GALNTL6: variants seen among roughly 807,000 people sequenced by gnomAD.
GALNTL6 encodes the protein polypeptide N-acetylgalactosaminyltransferase like 6.
In GALNTL6, 46 loss-of-function variants were observed where a neutral mutation model predicts 73.7. The ratio of observed to expected loss-of-function variants is 0.62; its 90% CI spans 0.49 to 0.80. GALNTL6 has a LOEUF of 0.80. Among genes scored for constraint, GALNTL6 ranks in the 30% least tolerant of loss-of-function variants. GALNTL6 has a pLI of 0.00. For synonymous variants in GALNTL6, 259 were observed against 263.7 expected (o/e 0.98, Z 0.17); for missense variants, 604 against 755.0 (o/e 0.80, Z 2.34).
chr4:172,281,689 C>G (rs951476434), intron 3 of GALNTL6, among the ~76,000 whole-genome samples: 5 of 152,116 alleles, frequency 3.3e-5, no homozygotes, highest in African/African-American at 1.2e-4. Context: ...CCAGCCTGGG[C>G]GTCAGAGTGA....
chr4:172,220,874 G>A (rs1259605301), intron 2 of GALNTL6, among the ~76,000 whole-genome samples: 1 of 151,812 alleles, frequency 6.6e-6, no homozygotes, highest in Non-Finnish European at 1.5e-5. Flanking sequence ...TTGTGCACAT[G>A]CGGCTGATGC....
At chr4:172,207,110 C>T (rs1416339617) in intron 2 of GALNTL6, among the ~76,000 whole-genome samples, 12 of 151,778 alleles carry the variant, frequency 7.9e-5, no homozygotes, top group Non-Finnish European at 1.6e-4. Flanking sequence ...CGTGCCTGGC[C>T]GAAACGTGTT....
intron 5 of GALNTL6, among the ~76,000 whole-genome samples, chr4:172,763,013 A>T (rs76124166): frequency 0.29 from 44,303 of 151,886 alleles, 6,893 homozygotes; most frequent in Middle Eastern, 0.46. Context: ...ACAAAAAAAA[A>T]AATGAATTAC....
chr4:172,754,906 C>A (rs1006454697), intron 5 of GALNTL6, among the ~76,000 whole-genome samples: 8 of 151,498 alleles, frequency 5.3e-5, no homozygotes, highest in African/African-American at 1.7e-4. Flanking sequence ...AGGGGAGGGA[C>A]TGTAGAGAAT....
At chr4:171,912,451 G>A (rs188041101) in intron 2 of GALNTL6, among the ~76,000 whole-genome samples, 29 of 152,060 alleles carry the variant, frequency 1.9e-4, no homozygotes, top group Admixed American at 6.6e-4. Context: ...CATATTTTGG[G>A]GGTAGATGTG....
intron 5 of GALNTL6, among the ~76,000 whole-genome samples, chr4:172,432,885 C>T (rs1022008875): frequency 3.3e-5 from 5 of 152,126 alleles, no homozygotes; most frequent in Admixed American, 2.6e-4. Context: ...GATAGCTTTA[C>T]AATACTATCA....
intron 5 of GALNTL6, among the ~76,000 whole-genome samples, chr4:172,712,923 C>A (rs1198132723): frequency 2.0e-5 from 3 of 152,108 alleles, no homozygotes; most frequent in African/African-American, 7.2e-5. Context: ...CTCACCAAGA[C>A]CTTGAGCAGA....
At chr4:171,821,753 T>C (rs753291198) in intron 2 of GALNTL6, among the ~76,000 whole-genome samples, 51 of 152,064 alleles carry the variant, frequency 3.4e-4, no homozygotes, top group Non-Finnish European at 7.1e-4. Context: ...AGCTGGCTTC[T>C]CTTTCAGAGG....
intron 5 of GALNTL6, among the ~76,000 whole-genome samples, chr4:172,387,613 G>A (rs1485063641): frequency 6.6e-6 from 1 of 152,018 alleles, no homozygotes; most frequent in Non-Finnish European, 1.5e-5. Flanking sequence ...GTGTCTAAAT[G>A]TGGCTTTTTG....
At chr4:172,258,840 T>C (rs62332763) in intron 3 of GALNTL6, among the ~76,000 whole-genome samples, 1 of 151,230 alleles carries the variant, frequency 6.6e-6, no homozygotes, top group Non-Finnish European at 1.5e-5. Context: ...AGTGAGAACA[T>C]ACAACATTTG....
chr4:172,762,704 C>A (rs553491193), intron 5 of GALNTL6, among the ~76,000 whole-genome samples: 1 of 149,726 alleles, frequency 6.7e-6, no homozygotes, highest in South Asian at 2.1e-4. Flanking sequence ...CTGATCATAC[C>A]ACAATTAACT....
chr4:172,196,595 A>G (rs1057123745), intron 2 of GALNTL6, among the ~76,000 whole-genome samples: 15 of 152,128 alleles, frequency 9.9e-5, no homozygotes, highest in Non-Finnish European at 1.9e-4. Flanking sequence ...AAGCTTATCC[A>G]CCACGATCAA....
rs1039930428 is a variant in GALNTL6 at position 171,813,441 on chromosome 4, G to C, written c.-719G>C. On this transcript the variant is annotated 5_prime_UTR_variant, in exon 1 of 13. Transcript: ENST00000506823. This position sits in a 1 kb window ranked among gnomAD's most constrained non-coding sequence, Gnocchi z 5.2. ...GACGTCTCCGCGGAAGGCAGGCGCC[G>C]GGGAGTGGGGCGCGGGCGACCGTGT... 24 of 152,418 alleles carry C rather than the reference G, an allele frequency of 1.6e-4. No homozygotes were observed. Among genetic ancestry groups the C allele is most frequent in the African/African-American group, 5.8e-4 (24 of 41,588 alleles). The allele number at this position is 152,418 out of a possible 1,614,324, so 9.4% of individuals were successfully genotyped here.
intron 5 of GALNTL6, among the ~76,000 whole-genome samples, chr4:172,576,938 A>T (rs2110962742): frequency 6.6e-6 from 1 of 152,216 alleles, no homozygotes; most frequent in South Asian, 2.1e-4. Flanking sequence ...GAGGCTTAGG[A>T]TTTGAGAGCG....
intron 5 of GALNTL6, among the ~76,000 whole-genome samples, chr4:172,597,109 A>C (rs1732207771): frequency 6.6e-6 from 1 of 152,232 alleles, no homozygotes; most frequent in Non-Finnish European, 1.5e-5. Flanking sequence ...AATATTAGCT[A>C]TCCAAATATT....
intron 2 of GALNTL6, among the ~76,000 whole-genome samples, chr4:171,905,802 C>T (rs1469936901): frequency 1.3e-5 from 2 of 151,600 alleles, no homozygotes; most frequent in Non-Finnish European, 2.9e-5. Flanking sequence ...TCTCTCAGAC[C>T]ACAGTGCAAT....
chr4:172,175,562 T>C (rs1472988032), intron 2 of GALNTL6, among the ~76,000 whole-genome samples: 3 of 152,214 alleles, frequency 2.0e-5, no homozygotes, highest in South Asian at 4.1e-4. Context: ...GTATCCTAGT[T>C]TGGCTGAACC....
intron 10 of GALNTL6, among the ~76,000 whole-genome samples, chr4:172,995,857 A>C (rs2126465599): frequency 6.6e-6 from 1 of 152,328 alleles, no homozygotes; most frequent in African/African-American, 2.4e-5. Context: ...TTGTCACCTG[A>C]GTTTTCAAAA....
At chr4:172,831,792 T>C (rs933926563) in intron 7 of GALNTL6, among the ~76,000 whole-genome samples, 1 of 152,190 alleles carries the variant, frequency 6.6e-6, no homozygotes, top group South Asian at 2.1e-4. Context: ...GGGATAGGAT[T>C]AGTGCCCTTA....
Sources: gnomAD v4.1 joint callset for allele counts (sites outside exome capture counted in the v4.1 genomes callset) on GRCh38, gnomAD v4.1.1 for gene constraint, Gnocchi (gnomAD v3.1) non-coding constraint, MANE v1.5 for transcripts, NCBI Gene and HGNC (gene_info 2026-07-23, HGNC 2026-07-21) for gene names.